Variants in SLC44A1 observed in about 807,000 individuals in gnomAD.
SLC44A1 encodes the protein choline transporter-like protein 1.
A neutral mutation model predicts 79.3 loss-of-function variants in SLC44A1; 26 were observed. The ratio of observed to expected loss-of-function variants is 0.33; its 90% CI spans 0.24 to 0.46. The LOEUF (loss-of-function observed/expected upper bound fraction) is 0.46, where lower values mean the gene tolerates loss of function less well. Ranked by LOEUF, SLC44A1 falls within the 20% of genes least tolerant of loss-of-function variation. The probability of loss-of-function intolerance (pLI) is 1.00; values close to 1 mark genes in which losing one functional copy is unlikely to be tolerated. For missense variants in SLC44A1, 688 were observed against 798.1 expected (o/e 0.86, Z 1.66); for synonymous variants, 263 against 286.2 (o/e 0.92, Z 0.82).
intron 4 of SLC44A1, among the ~76,000 whole-genome samples, chr9:105,345,258 G>A (rs1827213772): frequency 6.6e-6 from 1 of 152,164 alleles, no homozygotes; most frequent in Non-Finnish European, 1.5e-5. Flanking sequence ...TCTAATGTCA[G>A]GATGTAGTAT....
At chr9:105,261,714 C>T (rs1408786235) in intron 1 of SLC44A1, among the ~76,000 whole-genome samples, 1 of 150,420 alleles carries the variant, frequency 6.6e-6, no homozygotes, top group Non-Finnish European at 1.5e-5. Context: ...GGAGATGCTA[C>T]GGAGGGGTGT....
At chr9:105,301,568 T>C (rs1588753985) in intron 2 of SLC44A1, among the ~76,000 whole-genome samples, 1 of 152,330 alleles carries the variant, frequency 6.6e-6, no homozygotes, top group East Asian at 1.9e-4. Context: ...ACGATTTCTC[T>C]CTCTTTGGAT....
intron 1 of SLC44A1, among the ~76,000 whole-genome samples, chr9:105,266,474 A>G (rs963383973): frequency 2.6e-5 from 4 of 152,182 alleles, no homozygotes; most frequent in African/African-American, 9.7e-5. Context: ...CATTTTGCCA[A>G]TCTTTATATA....
At chr9:105,293,835 A>G (rs943694379) in intron 1 of SLC44A1, among the ~76,000 whole-genome samples, 4 of 152,242 alleles carry the variant, frequency 2.6e-5, no homozygotes, top group South Asian at 2.1e-4. Context: ...TTACTATAGC[A>G]TATCAAATTC....
intron 1 of SLC44A1, among the ~76,000 whole-genome samples, chr9:105,257,530 C>G (rs897984249): frequency 6.6e-6 from 1 of 152,108 alleles, no homozygotes; most frequent in African/African-American, 2.4e-5. Context: ...GTGCCTGGCT[C>G]CCAGATTGTA....
intron 1 of SLC44A1, among the ~76,000 whole-genome samples, chr9:105,267,035 C>G (rs1173148822): frequency 6.6e-6 from 1 of 152,068 alleles, no homozygotes. Flanking sequence ...GGTTTATTCC[C>G]TTGATTTGGT....
intron 12 of SLC44A1, among the ~76,000 whole-genome samples, chr9:105,373,024 A>C (rs959553456): frequency 2.2e-4 from 33 of 152,022 alleles, no homozygotes; most frequent in Non-Finnish European, 4.0e-4. Context: ...AATGTTCTGC[A>C]TTTTTAATCA....
Position 105,395,121 on chromosome 9 carries a change from T to C in SLC44A1, c.*6065T>C. The C allele has an allele frequency of 3.0e-6, 3 of 985,470 alleles. No homozygotes were observed. Among genetic ancestry groups the C allele is most frequent in the Non-Finnish European group, 3.6e-6 (3 of 829,962 alleles). The allele number at this position is 985,470 out of a possible 1,614,324, so 61.0% of individuals were successfully genotyped here. On this transcript the variant is annotated 3_prime_UTR_variant, in exon 16 of 16. Transcript: ENST00000374720. ...CAAACCATTTCCTACTTTTTCAGGC[T>C]GAAGAAAGTGGAAATATAACTGGCT... is the stretch of plus-strand genomic sequence containing the variant.
rs1441429503 is a variant in SLC44A1 at position 105,392,934 on chromosome 9, T to C, written c.*3878T>C. ...TTCGCTTTTCAATAAGTAAGTTCTTTACTGCTTTTCTACTGCTACTTTAAA... is the reference window on the plus strand; with the variant it reads ...TTCGCTTTTCAATAAGTAAGTTCTTCACTGCTTTTCTACTGCTACTTTAAA... On this transcript the variant is annotated 3_prime_UTR_variant, in exon 16 of 16. Transcript: ENST00000374720. 1.0e-6 allele frequency: 1 copy of C among 985,140 alleles called. No homozygotes were observed. The highest frequency in any genetic ancestry group is 1.2e-6 in the Non-Finnish European group (1 of 829,868). 61.0% of individuals were successfully genotyped at this position (985,140 alleles called of 1,614,324 possible). A position where few individuals can be genotyped will look rare whatever the true frequency, so the allele number is the denominator to read the frequency against.
intron 3 of SLC44A1, among the ~76,000 whole-genome samples, chr9:105,319,768 G>A (rs914156374): frequency 6.6e-6 from 1 of 152,160 alleles, no homozygotes; most frequent in Non-Finnish European, 1.5e-5. Context: ...CTCTTTCTGA[G>A]TAAGGTTAAA....
chr9:105,391,556 A>G lies in SLC44A1; in HGVS notation c.*2500A>G. The G allele has an allele frequency of 2.0e-6, 2 of 985,436 alleles. No homozygotes were observed. Among genetic ancestry groups the G allele is most frequent in the Non-Finnish European group, 2.4e-6 (2 of 829,872 alleles). The allele number at this position is 985,436 out of a possible 1,614,324, so 61.0% of individuals were successfully genotyped here. On this transcript the variant is annotated 3_prime_UTR_variant, in exon 16 of 16. Coordinates refer to ENST00000374720, the MANE Select transcript of SLC44A1 (RefSeq NM_080546.5). ...CACAGAGAGATATTTAATATGTGGAATATCACTCTTTCATGAGCTTTATTC... is the reference window on the plus strand; with the variant it reads ...CACAGAGAGATATTTAATATGTGGAGTATCACTCTTTCATGAGCTTTATTC...
In SLC44A1 at chr9:105,265,718, G is replaced by A. The variant is rs541417814; in HGVS notation, c.36+20814G>A. 6.1e-4 allele frequency among the ~76,000 whole-genome samples: 93 copies of A among 152,344 alleles called. 1 individual carries two copies. The South Asian group carries it at 0.012, about 20-fold the overall frequency. The stretch of plus-strand genomic sequence containing the variant: ...TTTTCCAAATGGGCTGTACCATTGT[G>A]CATTCCCATGAGCAACGTATAAGAA... On this transcript the variant is annotated intron_variant, in intron 1 of 15. Coordinates refer to ENST00000374720, the MANE Select transcript of SLC44A1 (RefSeq NM_080546.5).
At chr9:105,319,167 A>C (rs1826304123) in intron 3 of SLC44A1, among the ~76,000 whole-genome samples, 1 of 152,308 alleles carries the variant, frequency 6.6e-6, no homozygotes, top group Non-Finnish European at 1.5e-5. Context: ...CAGTCCACAC[A>C]CAACCACCCT....
At chr9:105,280,219 A>G (rs898403011) in intron 1 of SLC44A1, among the ~76,000 whole-genome samples, 2 of 152,244 alleles carry the variant, frequency 1.3e-5, no homozygotes, top group African/African-American at 4.8e-5. Flanking sequence ...ATAGTGGTCA[A>G]CACTGTGTTG....
At chr9:105,340,785 A>G (rs1260029453) in intron 4 of SLC44A1, among the ~76,000 whole-genome samples, 1 of 152,230 alleles carries the variant, frequency 6.6e-6, no homozygotes, top group Non-Finnish European at 1.5e-5. Context: ...TAGAAATTAA[A>G]GGGGAAGAAG....
chr9:105,379,699 G>A (rs1828402790), intron 13 of SLC44A1, among the ~76,000 whole-genome samples: 1 of 152,170 alleles, frequency 6.6e-6, no homozygotes, highest in Non-Finnish European at 1.5e-5. Context: ...TTAGTGACTT[G>A]TAACATATGG....
intron 1 of SLC44A1, among the ~76,000 whole-genome samples, chr9:105,277,329 G>T (rs1830229730): frequency 6.6e-6 from 1 of 152,160 alleles, no homozygotes; most frequent in African/African-American, 2.4e-5. Context: ...TCAGAAATTT[G>T]CACAACCCTC....
intron 3 of SLC44A1, among the ~76,000 whole-genome samples, chr9:105,331,150 A>C (rs1564441558): frequency 6.6e-6 from 1 of 152,216 alleles, no homozygotes; most frequent in African/African-American, 2.4e-5. Flanking sequence ...AAGCTTAGTA[A>C]AAGATTCACT....
At position 105,391,394 on chromosome 9, in the gene SLC44A1, T is replaced by G; in HGVS notation, c.*2338T>G. ...GTCCTGTTTTACAAATAAATTTTGT[T>G]TTACTAACATTGTGTTTAGAAATTA... On this transcript the variant is annotated 3_prime_UTR_variant, in exon 16 of 16. Transcript: ENST00000374720. The G allele has an allele frequency of 3.0e-6, 3 of 984,928 alleles. No homozygotes were observed. The highest frequency in any genetic ancestry group is 3.6e-6 in the Non-Finnish European group (3 of 829,048). 61.0% of individuals were successfully genotyped at this position (984,928 alleles called of 1,614,324 possible). A position where few individuals can be genotyped will look rare whatever the true frequency, so the allele number is the denominator to read the frequency against.
Sources: gnomAD v4.1 joint callset for allele counts (sites outside exome capture counted in the v4.1 genomes callset) on GRCh38, gnomAD v4.1.1 for gene constraint, MANE v1.5 for transcripts, NCBI Gene and HGNC (gene_info 2026-07-23, HGNC 2026-07-21) for gene names.